HDAC4: variants seen among roughly 807,000 people sequenced by gnomAD.
The protein encoded by HDAC4 is histone deacetylase A.
A neutral mutation model predicts 135.1 loss-of-function variants in HDAC4; 16 were observed. The observed-to-expected ratio is 0.12, with a 90% CI of 0.08 to 0.18. The LOEUF (loss-of-function observed/expected upper bound fraction) is 0.18, where lower values mean the gene tolerates loss of function less well. HDAC4 is among the 10% of genes least tolerant of loss of function. The pLI is 1.00. For missense variants in HDAC4, 1,143 were observed against 1,511.8 expected, an observed-to-expected ratio of 0.76 and a Z score of 4.05; for synonymous variants, 685 against 653.4, an observed-to-expected ratio of 1.05 and a Z score of -0.74.
At chr2:239,362,359 C>G (rs1388237684) in intron 1 of HDAC4, among the ~76,000 whole-genome samples, 1 of 152,228 alleles carries the variant, frequency 6.6e-6, no homozygotes, top group Non-Finnish European at 1.5e-5. Context: ...CCTCCTCCCG[C>G]AGCTTGGAAA....
rs2052608286 is a variant in HDAC4, at chr2:239,306,749, G to C, written c.22+45929C>G. 6.6e-6 allele frequency among the ~76,000 whole-genome samples: 1 copy of C among 152,106 alleles called. No homozygotes were observed. The highest frequency in any genetic ancestry group is 1.5e-5 in the Non-Finnish European group (1 of 68,012). ...TTTACATGGTGAAAAGGGGTAGGGG[G>C]TGAATGCTAAGGGGCGAAGGCAGGA... On this transcript the variant is annotated intron_variant, in intron 2 of 26. Coordinates refer to ENST00000543185, the MANE Select transcript of HDAC4 (RefSeq NM_001378414.1). The surrounding 1 kb of genome is among the most constrained non-coding windows in gnomAD (Gnocchi z 4.5).
Position 239,089,453 on chromosome 2 carries a change from A to G in HDAC4, c.2388+556T>C, listed in dbSNP as rs181731605. 5.9e-3 allele frequency among the ~76,000 whole-genome samples: 901 copies of G among 152,122 alleles called. 14 individuals are homozygous for G. Among genetic ancestry groups the G allele is most frequent in the African/African-American group, 0.021 (859 of 41,492 alleles). On this transcript the variant is annotated intron_variant, in intron 18 of 26. Transcript: ENST00000543185. ...AGCGATTCGCCAGCCTCAGCCTCCC[A>G]AGTAGCTGGGATTATAGGCATGCGC...
intron 16 of HDAC4, among the ~76,000 whole-genome samples, chr2:239,101,775 G>A (rs936512685): frequency 2.0e-5 from 3 of 152,076 alleles, no homozygotes; most frequent in African/African-American, 7.2e-5. Context: ...CCTGGCCCTC[G>A]GTCTGGGTTC....
intron 22 of HDAC4, among the ~76,000 whole-genome samples, chr2:239,075,881 A>T (rs1048830071): frequency 5.3e-5 from 8 of 152,014 alleles, no homozygotes; most frequent in African/African-American, 1.9e-4. Flanking sequence ...CTGGGCCGGG[A>T]TAGCAGGTGG....
Position 239,115,847 on chromosome 2 carries a change from G to C in HDAC4, c.1534-537C>G, listed in dbSNP as rs564277886. Among the ~76,000 whole-genome samples the C allele has an allele frequency of 1.6e-4, 25 of 151,996 alleles. No homozygotes were observed. The South Asian group carries it at 1.9e-3, about 11-fold the overall frequency. On this transcript the variant is annotated intron_variant, in intron 12 of 26. Coordinates refer to ENST00000543185, the MANE Select transcript of HDAC4 (RefSeq NM_001378414.1). This position sits in a 1 kb window ranked among gnomAD's most constrained non-coding sequence, Gnocchi z 6.3. ...TGACCTCCCTCCTGCCGGATCCTGGGAACACTCCAGGACCTCCCTTCCTGC... is the reference window on the plus strand; with the variant it reads ...TGACCTCCCTCCTGCCGGATCCTGGCAACACTCCAGGACCTCCCTTCCTGC...
At chr2:239,258,414 G>C (rs1450769115) in intron 2 of HDAC4, among the ~76,000 whole-genome samples, 2 of 152,124 alleles carry the variant, frequency 1.3e-5, no homozygotes, top group South Asian at 2.1e-4. Flanking sequence ...CCGTGGAGGG[G>C]GAGGGGGGAT....
chr2:239,119,630 G>A (rs369859046), intron 12 of HDAC4, among the ~76,000 whole-genome samples: 3 of 152,032 alleles, frequency 2.0e-5, no homozygotes, highest in Non-Finnish European at 4.4e-5. Flanking sequence ...TCAGAGCTCA[G>A]GGCTGAGGGT....
intron 2 of HDAC4, among the ~76,000 whole-genome samples, chr2:239,292,198 G>A (rs981454358): frequency 1.3e-5 from 2 of 152,248 alleles, no homozygotes; most frequent in Non-Finnish European, 2.9e-5. Flanking sequence ...TGTCAGTGTG[G>A]CTGGGGACTC....
chr2:239,057,244 T>G (rs1485165809), intron 24 of HDAC4, among the ~76,000 whole-genome samples: 1 of 151,264 alleles, frequency 6.6e-6, no homozygotes, highest in Non-Finnish European at 1.5e-5. Flanking sequence ...AATAAAAAGT[T>G]TATTAACTTT....
intron 15 of HDAC4, among the ~76,000 whole-genome samples, chr2:239,105,690 C>A (rs535298447): frequency 6.6e-6 from 1 of 152,336 alleles, no homozygotes; most frequent in East Asian, 1.9e-4. Flanking sequence ...AGGCCCTGCC[C>A]TCGGGCCTGG....
rs2030873519 is a variant in HDAC4 at position 239,051,680 on chromosome 2, T to A, written c.*1417A>T. 6.6e-6 allele frequency: 1 copy of A among 152,544 alleles called. No individual in the cohort carries two copies. The highest frequency in any genetic ancestry group is 6.5e-5 in the Admixed American group (1 of 15,276). The allele number at this position is 152,544 out of a possible 1,614,324, so 9.4% of individuals were successfully genotyped here. Reference sequence around the variant, plus strand: ...AAATAATTAAAATGAAAGTACAAACTTGTAGGGTAGTTGCCCAGTGGCGAA... The same window carrying A: ...AAATAATTAAAATGAAAGTACAAACATGTAGGGTAGTTGCCCAGTGGCGAA... On this transcript the variant is annotated 3_prime_UTR_variant, in exon 27 of 27. Transcript: ENST00000543185.
At chr2:239,147,768 G>A (rs1436812059) in intron 7 of HDAC4, among the ~76,000 whole-genome samples, 2 of 152,256 alleles carry the variant, frequency 1.3e-5, no homozygotes, top group East Asian at 3.8e-4. Flanking sequence ...AGGTGGGATT[G>A]TTTCTCCTGA....
intron 4 of HDAC4, among the ~76,000 whole-genome samples, chr2:239,188,628 C>T (rs920115299): frequency 2.6e-5 from 4 of 152,374 alleles, no homozygotes; most frequent in African/African-American, 4.8e-5. Context: ...GCTCGAAATG[C>T]GGCTGGCCTG....
At position 239,250,959 on chromosome 2, in the gene HDAC4, C is replaced by G. The variant is rs1319606976; in HGVS notation, c.23-14295G>C. 3.3e-5 allele frequency among the ~76,000 whole-genome samples: 5 copies of G among 152,208 alleles called. No homozygotes were observed. In the South Asian group the frequency reaches 1.0e-3, roughly 32 times the overall value. On this transcript the variant is annotated intron_variant, in intron 2 of 26. Coordinates refer to ENST00000543185, the MANE Select transcript of HDAC4 (RefSeq NM_001378414.1). The stretch of plus-strand genomic sequence containing the variant: ...GTGTTCACGTGCCCCCGCCACACGC[C>G]TGGTTCACCTCGAGACCTGCATCAA...
chr2:239,119,212 C>G (rs968630094), intron 12 of HDAC4, among the ~76,000 whole-genome samples: 2 of 152,156 alleles, frequency 1.3e-5, no homozygotes. Flanking sequence ...CCTTATCACT[C>G]GGTGCACCGG....
intron 3 of HDAC4, among the ~76,000 whole-genome samples, chr2:239,208,995 GC>G (rs1461418044): frequency 6.6e-6 from 1 of 152,192 alleles, no homozygotes; most frequent in Non-Finnish European, 1.5e-5. Context: ...TCCCACCTTA[GC>G]CCCTCAAGTA....
At chr2:239,232,427 G>T (rs1206590236) in intron 3 of HDAC4, among the ~76,000 whole-genome samples, 1 of 152,186 alleles carries the variant, frequency 6.6e-6, no homozygotes, top group East Asian at 1.9e-4. Context: ...CTCACTCCAT[G>T]GGAAAACACA....
intron 1 of HDAC4, among the ~76,000 whole-genome samples, chr2:239,367,382 A>G (rs897126604): frequency 1.4e-4 from 21 of 152,220 alleles, no homozygotes; most frequent in African/African-American, 4.8e-4. Flanking sequence ...TTTTTTGTTA[A>G]AAATGTTACC....
chr2:239,073,215 T>G (rs2034375248), intron 22 of HDAC4, among the ~76,000 whole-genome samples: 1 of 152,126 alleles, frequency 6.6e-6, no homozygotes, highest in Non-Finnish European at 1.5e-5. Flanking sequence ...GCAGTCTGCT[T>G]CTGTTCTTTT....
Sources: gnomAD v4.1 joint callset for allele counts (sites outside exome capture counted in the v4.1 genomes callset) on GRCh38, gnomAD v4.1.1 for gene constraint, Gnocchi (gnomAD v3.1) non-coding constraint, MANE v1.5 for transcripts, NCBI Gene and HGNC (gene_info 2026-07-23, HGNC 2026-07-21) for gene names.